Variants in GPC6 observed in about 807,000 individuals in gnomAD.
GPC6 encodes the protein glypican-6.
A neutral mutation model predicts 55.2 loss-of-function variants in GPC6; 14 were observed. That is an observed-to-expected ratio of 0.25 (90% confidence interval 0.17 to 0.40). GPC6 has a LOEUF of 0.40. GPC6 is among the 10% of genes least tolerant of loss of function. The probability of loss-of-function intolerance (pLI) is 1.00; values close to 1 mark genes in which losing one functional copy is unlikely to be tolerated. For missense variants in GPC6, 641 were observed against 708.5 expected, an observed-to-expected ratio of 0.90 and a Z score of 1.08; for synonymous variants, 278 against 259.6, an observed-to-expected ratio of 1.07 and a Z score of -0.68.
At chr13:93,798,440 G>A (rs138719626) in intron 2 of GPC6, among the ~76,000 whole-genome samples, 45 of 152,136 alleles carry the variant, frequency 3.0e-4, no homozygotes, top group Middle Eastern at 3.4e-3. Flanking sequence ...TTTAATAAGC[G>A]GCAGATGATA....
intron 1 of GPC6, among the ~76,000 whole-genome samples, chr13:93,309,675 A>G (rs1878996383): frequency 6.6e-6 from 1 of 152,336 alleles, no homozygotes; most frequent in South Asian, 2.1e-4. Context: ...CATTATTTTC[A>G]TGAAGCCATA....
intron 1 of GPC6, among the ~76,000 whole-genome samples, chr13:93,485,223 C>G (rs3858837): frequency 0.79 from 120,944 of 152,202 alleles, 48,214 homozygotes; most frequent in East Asian, 0.99. Flanking sequence ...CATTCTAGCA[C>G]AAAGGGGAGT....
At chr13:94,020,498 A>G (rs999918300) in intron 3 of GPC6, among the ~76,000 whole-genome samples, 11 of 152,104 alleles carry the variant, frequency 7.2e-5, no homozygotes, top group Non-Finnish European at 1.3e-4. Context: ...TGATTCTGTC[A>G]TGTCATTTTT....
At chr13:93,237,132 T>C (rs1303661047) in intron 1 of GPC6, among the ~76,000 whole-genome samples, 1 of 152,172 alleles carries the variant, frequency 6.6e-6, no homozygotes, top group Non-Finnish European at 1.5e-5. Flanking sequence ...TTTAGTCCTT[T>C]GAGAAATTTC....
At chr13:94,334,428 T>TAG (rs1290900115) in intron 6 of GPC6, among the ~76,000 whole-genome samples, 5 of 152,208 alleles carry the variant, frequency 3.3e-5, no homozygotes, top group African/African-American at 1.2e-4. Context: ...CTTTCTAAAG[T>TAG]AGAGTGCAGG....
At chr13:93,329,877 A>G (rs911460647) in intron 1 of GPC6, among the ~76,000 whole-genome samples, 1 of 152,210 alleles carries the variant, frequency 6.6e-6, no homozygotes, top group Non-Finnish European at 1.5e-5. Flanking sequence ...GATTAATAAC[A>G]TTTAAATCTG....
chr13:93,367,032 G>T (rs1049224100), intron 1 of GPC6, among the ~76,000 whole-genome samples: 1 of 151,926 alleles, frequency 6.6e-6, no homozygotes, highest in African/African-American at 2.4e-5. Context: ...AAACCAAGTC[G>T]CAACACATGC....
intron 6 of GPC6, among the ~76,000 whole-genome samples, chr13:94,306,554 A>T: frequency 6.6e-6 from 1 of 152,058 alleles, no homozygotes; most frequent in East Asian, 1.9e-4. Flanking sequence ...TGTTTGAAAG[A>T]CCTTGCCCGG....
chr13:93,540,850 A>G (rs1403089478), intron 1 of GPC6, among the ~76,000 whole-genome samples: 2 of 151,984 alleles, frequency 1.3e-5, no homozygotes, highest in African/African-American at 4.8e-5. Context: ...ACTTTCCTCT[A>G]CCCTTCCCAG....
At chr13:94,353,567 C>T (rs944291729) in intron 6 of GPC6, among the ~76,000 whole-genome samples, 11 of 150,340 alleles carry the variant, frequency 7.3e-5, no homozygotes, top group East Asian at 3.9e-4. Context: ...AAGTCGTGTG[C>T]GAGGAGCATA....
chr13:93,947,681 T>C (rs1172663475), intron 3 of GPC6, among the ~76,000 whole-genome samples: 2 of 152,120 alleles, frequency 1.3e-5, no homozygotes, highest in Non-Finnish European at 2.9e-5. Context: ...TTAACACTGC[T>C]TAGCATCAAG....
chr13:93,509,755 G>C (rs1332798734), intron 1 of GPC6, among the ~76,000 whole-genome samples: 5 of 152,142 alleles, frequency 3.3e-5, no homozygotes, highest in Admixed American at 6.5e-5. Flanking sequence ...AAGACATGCA[G>C]GTGCTTGTCA....
At chr13:93,314,195 A>AT (rs1879165740) in intron 1 of GPC6, among the ~76,000 whole-genome samples, 3 of 151,970 alleles carry the variant, frequency 2.0e-5, no homozygotes, top group African/African-American at 4.8e-5. Context: ...CTCTTGGCTT[A>AT]TTTTTTTCTC....
chr13:94,178,212 T>C (rs1056923745), intron 4 of GPC6, among the ~76,000 whole-genome samples: 8 of 152,070 alleles, frequency 5.3e-5, no homozygotes, highest in Admixed American at 4.6e-4. Context: ...TTGGCCAGGT[T>C]GCTCTTGAAC....
chr13:94,215,951 A>T (rs1190926134), intron 4 of GPC6, among the ~76,000 whole-genome samples: 1 of 152,184 alleles, frequency 6.6e-6, no homozygotes, highest in African/African-American at 2.4e-5. Flanking sequence ...TCACCTTACC[A>T]CACTGATATG....
chr13:93,873,686 GTA>G (rs1889200230), intron 3 of GPC6, among the ~76,000 whole-genome samples: 1 of 151,856 alleles, frequency 6.6e-6, no homozygotes, highest in African/African-American at 2.4e-5. Flanking sequence ...AAATCTGTCA[GTA>G]TTTCACTAGC....
chr13:93,737,229 A>C (rs1225516533), intron 2 of GPC6, among the ~76,000 whole-genome samples: 1 of 152,088 alleles, frequency 6.6e-6, no homozygotes, highest in East Asian at 1.9e-4. Flanking sequence ...ATATGGATTT[A>C]TTTCAAGCAA....
intron 4 of GPC6, among the ~76,000 whole-genome samples, chr13:94,217,192 C>CA (rs1890251984): frequency 6.6e-6 from 1 of 152,142 alleles, no homozygotes; most frequent in South Asian, 2.1e-4. Context: ...AGTGGGAAAC[C>CA]AATGTGGTCC....
chr13:93,760,025 C>A (rs79402208), intron 2 of GPC6, among the ~76,000 whole-genome samples: 74 of 148,028 alleles, frequency 5.0e-4, no homozygotes, highest in African/African-American at 5.2e-4. Context: ...GCTGAGAAAA[C>A]AAAAAAAAAA....
Sources: gnomAD v4.1 joint callset for allele counts (sites outside exome capture counted in the v4.1 genomes callset) on GRCh38, gnomAD v4.1.1 for gene constraint, MANE v1.5 for transcripts, NCBI Gene and HGNC (gene_info 2026-07-23, HGNC 2026-07-21) for gene names.